Variants in ATXN8OS observed in about 807,000 individuals in gnomAD.
The protein encoded by ATXN8OS is ATXN8 opposite strand lncRNA.
intron 4 of ATXN8OS, among the ~76,000 whole-genome samples, chr13:70,163,800 T>G (rs1593778814): frequency 6.6e-6 from 1 of 151,718 alleles, no homozygotes; most frequent in Non-Finnish European, 1.5e-5. Flanking sequence ...ATGAAATATC[T>G]TTGAATAGTT....
rs143798301 is a variant in ATXN8OS, at chr13:70,130,896, A to C, written n.499+1012A>C. 2,031 of 398,512 alleles carry C rather than the reference A, an allele frequency of 5.1e-3. 8 individuals carry two copies. Among genetic ancestry groups the C allele is most frequent in the Non-Finnish European group, 5.8e-3 (1,310 of 226,002 alleles). 24.7% of individuals were successfully genotyped at this position (398,512 alleles called of 1,614,324 possible). On this transcript the variant is annotated intron_variant and non_coding_transcript_variant, in intron 3 of 4. Coordinates refer to ENST00000678624, the Ensembl canonical transcript of ATXN8OS. The stretch of plus-strand genomic sequence containing the variant: ...TACAAGAAGGTCCATCCCAAACCAG[A>C]GATAGTATAGATAAATCTCTCATGT...
At chr13:70,143,531 T>A (rs991975675) in intron 3 of ATXN8OS, among the ~76,000 whole-genome samples, 3 of 152,204 alleles carry the variant, frequency 2.0e-5, no homozygotes, top group Non-Finnish European at 4.4e-5. Context: ...TTCTGCAAAT[T>A]TGAAATAAGT....
At chr13:70,167,587 C>G (rs1304328870) in intron 4 of ATXN8OS, among the ~76,000 whole-genome samples, 2 of 151,740 alleles carry the variant, frequency 1.3e-5, no homozygotes, top group Non-Finnish European at 2.9e-5. Context: ...GTGCAGCACA[C>G]CAACAATGCA....
At chr13:70,124,727 C>T (rs1301341090) in intron 2 of ATXN8OS, among the ~76,000 whole-genome samples, 1 of 151,912 alleles carries the variant, frequency 6.6e-6, no homozygotes, top group Admixed American at 6.6e-5. Flanking sequence ...CCCCAAGCCT[C>T]GCCAATCAAT....
chr13:70,128,103 T>G (rs952184408), intron 2 of ATXN8OS, among the ~76,000 whole-genome samples: 7 of 152,074 alleles, frequency 4.6e-5, no homozygotes, highest in African/African-American at 1.7e-4. Context: ...TTATAGAAGG[T>G]TTACATTAAT....
At chr13:70,146,567 G>T (rs1260679298) in intron 3 of ATXN8OS, among the ~76,000 whole-genome samples, 26 of 152,132 alleles carry the variant, frequency 1.7e-4, no homozygotes, top group Middle Eastern at 3.4e-3. Flanking sequence ...ATATACACCA[G>T]GGAATACTAT....
At chr13:70,166,499 T>C (rs1419949261) in intron 4 of ATXN8OS, among the ~76,000 whole-genome samples, 1 of 151,956 alleles carries the variant, frequency 6.6e-6, no homozygotes, top group Non-Finnish European at 1.5e-5. Context: ...CCTTACACCT[T>C]ATAAAAAAAT....
At chr13:70,136,559 G>A (rs935866408) in intron 3 of ATXN8OS, among the ~76,000 whole-genome samples, 4 of 151,858 alleles carry the variant, frequency 2.6e-5, no homozygotes, top group Admixed American at 1.3e-4. Context: ...AGTCTTTCCA[G>A]TTCTTACAAT....
At chr13:70,116,693 T>C (rs1888284240) in intron 2 of ATXN8OS, among the ~76,000 whole-genome samples, 1 of 152,110 alleles carries the variant, frequency 6.6e-6, no homozygotes, top group Non-Finnish European at 1.5e-5. Context: ...ACTTCCATTT[T>C]CTAAGATCAC....
intron 3 of ATXN8OS, among the ~76,000 whole-genome samples, chr13:70,147,248 A>AT (rs1888798777): frequency 6.6e-6 from 1 of 152,208 alleles, no homozygotes; most frequent in South Asian, 2.1e-4. Context: ...TAAGAATGCT[A>AT]ATTAAACTTC....
chr13:70,162,434 G>C (rs2137505561), intron 4 of ATXN8OS, among the ~76,000 whole-genome samples: 1 of 152,164 alleles, frequency 6.6e-6, no homozygotes, highest in East Asian at 1.9e-4. Context: ...GAGTGAATAA[G>C]CACACTTGCT....
At chr13:70,119,316 TAAC>T (rs1211052789) in intron 2 of ATXN8OS, among the ~76,000 whole-genome samples, 1 of 152,130 alleles carries the variant, frequency 6.6e-6, no homozygotes, top group Non-Finnish European at 1.5e-5. Context: ...TCCATTTTTT[TAAC>T]AAGAGAGAAT....
intron 3 of ATXN8OS, among the ~76,000 whole-genome samples, chr13:70,134,585 A>C (rs1309555656): frequency 6.6e-6 from 1 of 152,192 alleles, no homozygotes; most frequent in Non-Finnish European, 1.5e-5. Flanking sequence ...CAGGAAGAGA[A>C]ATCTAAACAT....
intron 4 of ATXN8OS, among the ~76,000 whole-genome samples, chr13:70,169,577 G>T (rs1889120191): frequency 6.6e-6 from 1 of 152,082 alleles, no homozygotes; most frequent in Non-Finnish European, 1.5e-5. Context: ...ACAGGGGTGA[G>T]CCACGGCGCC....
At chr13:70,161,291 C>T (rs1445790987) in intron 4 of ATXN8OS, among the ~76,000 whole-genome samples, 1 of 151,916 alleles carries the variant, frequency 6.6e-6, no homozygotes, top group African/African-American at 2.4e-5. Flanking sequence ...ACTATTTTGC[C>T]TCATTTACTG....
chr13:70,156,226 T>G (rs544414347), intron 4 of ATXN8OS, among the ~76,000 whole-genome samples: 4 of 142,504 alleles, frequency 2.8e-5, no homozygotes, highest in Non-Finnish European at 6.2e-5. Context: ...TGAGCACAGG[T>G]GGGTATGGGT....
intron 3 of ATXN8OS, among the ~76,000 whole-genome samples, chr13:70,147,057 T>C (rs1331933501): frequency 6.6e-6 from 1 of 152,190 alleles, no homozygotes; most frequent in African/African-American, 2.4e-5. Flanking sequence ...CTGTGTTGTG[T>C]GCCTTCTTTT....
intron 4 of ATXN8OS, among the ~76,000 whole-genome samples, chr13:70,147,584 C>T (rs190435825): frequency 6.6e-6 from 1 of 152,238 alleles, no homozygotes; most frequent in East Asian, 1.9e-4. Context: ...TTACCTGAAT[C>T]AAATTGATTT....
At chr13:70,159,568 T>G (rs1888978586) in intron 4 of ATXN8OS, among the ~76,000 whole-genome samples, 1 of 152,160 alleles carries the variant, frequency 6.6e-6, no homozygotes, top group African/African-American at 2.4e-5. Context: ...ACCATACAAT[T>G]TACTTTATTG....
Sources: allele counts gnomAD v4.1 joint callset (sites outside exome capture counted in the v4.1 genomes callset), GRCh38; gene constraint gnomAD v4.1.1; transcripts MANE v1.5; gene names NCBI Gene and HGNC (gene_info 2026-07-23, HGNC 2026-07-21).